PIK3C2G: variants seen among roughly 807,000 people sequenced by gnomAD.
PIK3C2G encodes the protein phosphatidylinositol 3-kinase C2 domain-containing subunit gamma.
In PIK3C2G, 168 loss-of-function variants were observed where a neutral mutation model predicts 181.1. The ratio of observed to expected loss-of-function variants is 0.93; its 90% CI spans 0.82 to 1.05. The LOEUF is 1.05. PIK3C2G is among the 50% of genes least tolerant of loss of function. The pLI is 0.00. For synonymous variants in PIK3C2G, 573 were observed against 592.2 expected, an observed-to-expected ratio of 0.97 and a Z score of 0.47; for missense variants, 1,869 against 1,732.8, an observed-to-expected ratio of 1.08 and a Z score of -1.40.
At chr12:18,697,067 T>C in the PIK3C2G span, among the ~76,000 whole-genome samples, 1 of 152,150 alleles carries the variant, frequency 6.6e-6, no homozygotes, top group Non-Finnish European at 1.5e-5. Flanking sequence ...GGCACCTTCT[T>C]CAAATTTTTG....
intron 4 of PIK3C2G, among the ~76,000 whole-genome samples, chr12:18,293,553 A>C (rs1949802978): frequency 6.6e-6 from 1 of 152,158 alleles, no homozygotes; most frequent in African/African-American, 2.4e-5. Flanking sequence ...TTGCCTGGCT[A>C]TACCCAAGTT....
intron 29 of PIK3C2G, among the ~76,000 whole-genome samples, chr12:18,593,931 A>G (rs1456347345): frequency 9.9e-5 from 15 of 151,788 alleles, no homozygotes; most frequent in Admixed American, 9.9e-4. Flanking sequence ...TTAGAAAACA[A>G]TTAAGTGGAG....
At chr12:18,446,838 CA>C in intron 18 of PIK3C2G, among the ~76,000 whole-genome samples, 2 of 152,216 alleles carry the variant, frequency 1.3e-5, no homozygotes, top group Middle Eastern at 6.8e-3. Context: ...TGTATATATA[CA>C]GTCTACTGGT....
chr12:18,431,070 C>T (rs1946128992), intron 18 of PIK3C2G, among the ~76,000 whole-genome samples: 1 of 151,968 alleles, frequency 6.6e-6, no homozygotes, highest in South Asian at 2.1e-4. Flanking sequence ...GATTCAAAGT[C>T]ACAGTTGTCT....
intron 30 of PIK3C2G, among the ~76,000 whole-genome samples, chr12:18,600,268 A>G (rs774191819): frequency 2.0e-5 from 3 of 152,020 alleles, no homozygotes; most frequent in Non-Finnish European, 2.9e-5. Flanking sequence ...TCAGAAAACT[A>G]GAAGACACTT....
At chr12:18,479,965 C>G (rs1270735398) in intron 18 of PIK3C2G, among the ~76,000 whole-genome samples, 3 of 152,106 alleles carry the variant, frequency 2.0e-5, no homozygotes. Context: ...TAATTATACT[C>G]AGGGAATGTG....
At chr12:18,599,555 G>A (rs888636685) in intron 30 of PIK3C2G, among the ~76,000 whole-genome samples, 2 of 151,816 alleles carry the variant, frequency 1.3e-5, no homozygotes, top group African/African-American at 4.8e-5. Flanking sequence ...GCTAGATGAC[G>A]AGTTAGTGGG....
chr12:18,310,546 T>C (rs2137377101), intron 5 of PIK3C2G, among the ~76,000 whole-genome samples: 1 of 152,076 alleles, frequency 6.6e-6, no homozygotes, highest in East Asian at 1.9e-4. Context: ...AGAACTGAAT[T>C]GAAGTCATAT....
At chr12:18,723,471 G>A in the PIK3C2G span, 2 of 1,612,954 alleles carry the variant, frequency 1.2e-6, no homozygotes, top group East Asian at 4.5e-5. Context: ...TTTCTTCTCT[G>A]TGCGTGATAA....
chr12:18,380,751 C>T (rs1169058973), intron 13 of PIK3C2G, among the ~76,000 whole-genome samples: 1 of 152,136 alleles, frequency 6.6e-6, no homozygotes, highest in African/African-American at 2.4e-5. Context: ...TATGTGCTGA[C>T]AATATCTTTA....
chr12:18,350,236 T>G (rs1292688254), intron 11 of PIK3C2G, among the ~76,000 whole-genome samples: 2 of 152,036 alleles, frequency 1.3e-5, no homozygotes, highest in African/African-American at 4.8e-5. Context: ...TAGTAATAAT[T>G]AGTAAGAGTT....
intron 5 of PIK3C2G, among the ~76,000 whole-genome samples, chr12:18,303,084 T>C (rs1232271733): frequency 6.8e-6 from 1 of 146,726 alleles, no homozygotes; most frequent in African/African-American, 2.5e-5. Flanking sequence ...TTAAGTAATT[T>C]CTTTTTCTTT....
upstream of PIK3C2G, among the ~76,000 whole-genome samples, chr12:18,246,479 A>T (rs1402426237): frequency 6.6e-6 from 1 of 152,100 alleles, no homozygotes; most frequent in African/African-American, 2.4e-5. Context: ...TTTCAAAAAC[A>T]AGCTTATTAT....
chr12:18,608,417 T>C (rs1235137281), intron 30 of PIK3C2G, among the ~76,000 whole-genome samples: 1 of 152,022 alleles, frequency 6.6e-6, no homozygotes, highest in African/African-American at 2.4e-5. Flanking sequence ...GGGACATGGA[T>C]GAAGCTGGAA....
Position 18,648,236 on chromosome 12 carries a change from A to G in PIK3C2G, c.*208A>G. ...TTCATAATCTTTTCTCCTTCAGTGG[A>G]GTACTGATTGCATGAAATTTGATGT... On this transcript the variant is annotated 3_prime_UTR_variant, in exon 33 of 33. Coordinates refer to ENST00000538779, the MANE Select transcript of PIK3C2G (RefSeq NM_001288772.2). The G allele has an allele frequency of 3.2e-6, 1 of 311,428 alleles. No individual in the cohort carries two copies. The highest frequency in any genetic ancestry group is 5.9e-6 in the Non-Finnish European group (1 of 170,742). 19.3% of individuals were successfully genotyped at this position (311,428 alleles called of 1,614,324 possible).
intron 24 of PIK3C2G, among the ~76,000 whole-genome samples, chr12:18,513,104 C>G (rs539848126): frequency 2.0e-5 from 3 of 151,706 alleles, no homozygotes; most frequent in African/African-American, 7.2e-5. Context: ...ATTTATTAAT[C>G]TGGGTATGTT....
At chr12:18,284,718 A>G (rs1949368913) in intron 2 of PIK3C2G, among the ~76,000 whole-genome samples, 1 of 152,188 alleles carries the variant, frequency 6.6e-6, no homozygotes, top group Non-Finnish European at 1.5e-5. Flanking sequence ...CCAGCGCTGG[A>G]AACAAAACAT....
At chr12:18,389,731 T>C (rs558489179) in intron 14 of PIK3C2G, among the ~76,000 whole-genome samples, 7 of 152,150 alleles carry the variant, frequency 4.6e-5, no homozygotes, top group Admixed American at 1.3e-4. Context: ...TTTAGCCTCA[T>C]AATTCATGAA....
At chr12:18,673,764 C>T in the PIK3C2G span, among the ~76,000 whole-genome samples, 2 of 152,196 alleles carry the variant, frequency 1.3e-5, no homozygotes, top group African/African-American at 4.8e-5. Flanking sequence ...CACTGCCACC[C>T]TCTTTCAGTA....
Sources: allele counts gnomAD v4.1 joint callset (sites outside exome capture counted in the v4.1 genomes callset), GRCh38; gene constraint gnomAD v4.1.1; transcripts MANE v1.5; gene names NCBI Gene and HGNC (gene_info 2026-07-23, HGNC 2026-07-21).